Variants in PLA2G4C observed in about 807,000 individuals in gnomAD.
PLA2G4C encodes the protein cytosolic phospholipase A2 gamma.
PLA2G4C carries 64 observed loss-of-function variants against 73.8 expected under a neutral mutation model. The observed-to-expected ratio is 0.87, with a 90% confidence interval of 0.71 to 1.07. The LOEUF (loss-of-function observed/expected upper bound fraction) is 1.07, where lower values mean the gene tolerates loss of function less well. Ranked by LOEUF, PLA2G4C falls within the 50% of genes least tolerant of loss-of-function variation. The pLI is 0.00. For missense variants in PLA2G4C, 622 were observed against 665.4 expected (o/e 0.93, Z 0.72); for synonymous variants, 254 against 252.1 (o/e 1.01, Z -0.07).
At chr19:48,092,499 C>G (rs1012565119) in intron 7 of PLA2G4C, among the ~76,000 whole-genome samples, 1 of 152,202 alleles carries the variant, frequency 6.6e-6, no homozygotes, top group African/African-American at 2.4e-5. Context: ...AAGGTGAAAG[C>G]AATCCATGTG....
At chr19:48,060,030 A>G (rs182737240) in intron 14 of PLA2G4C, among the ~76,000 whole-genome samples, 1 of 151,526 alleles carries the variant, frequency 6.6e-6, no homozygotes, top group East Asian at 2.0e-4. Flanking sequence ...CGGCCTCCCA[A>G]AATGCTGAGA....
rs759084365 is a variant in PLA2G4C at position 48,062,122 on chromosome 19, C to A, written c.1133G>T (p.Arg378Leu). The change falls in exon 14 of 17, where the codon CGG (arginine) becomes CTG (leucine). Residue 378 changes from arginine (R) to leucine (L), a missense_variant. By Grantham distance (102) the Arg-to-Leu change is moderately radical (BLOSUM62 -2). Coordinates refer to ENST00000599921, the MANE Select transcript of PLA2G4C (RefSeq NM_003706.3). Reference sequence around the variant, plus strand: ...AGCATCCACCAGGTGGAGGTGCTTCCGGCTGCTCATTATCTTGTCCCGGAT... The same window carrying A: ...AGCATCCACCAGGTGGAGGTGCTTCAGGCTGCTCATTATCTTGTCCCGGAT... ...GGIRDKIMSS[R>L]KHLHLVDAGL... The A allele has an allele frequency of 6.2e-7, 1 of 1,600,974 alleles. No individual in the cohort carries two copies. Among genetic ancestry groups the A allele is most frequent in the Admixed American group, 1.7e-5 (1 of 58,872 alleles).
At chr19:48,090,538 C>T in intron 7 of PLA2G4C, 121 bp from the exon 8 acceptor site, 1 of 752,660 alleles carries the variant, frequency 1.3e-6, no homozygotes, top group Non-Finnish European at 2.4e-6. Flanking sequence ...GAAGAAAGAT[C>T]TTTCTTCCAT....
intron 13 of PLA2G4C, among the ~76,000 whole-genome samples, chr19:48,064,322 G>A (rs536604388): frequency 3.2e-4 from 49 of 151,842 alleles, no homozygotes; most frequent in African/African-American, 1.1e-3. Context: ...TCAGCTACTC[G>A]GGAGGCTGAG....
At position 48,068,096 on chromosome 19, in the gene PLA2G4C, G is replaced by A. The variant is rs115791262; in HGVS notation, c.1007-210C>T. 1.8e-3 allele frequency among the ~76,000 whole-genome samples: 271 copies of A among 152,298 alleles called. 1 individual carries two copies. Among genetic ancestry groups the A allele is most frequent in the African/African-American group, 6.3e-3 (262 of 41,552 alleles). On this transcript the variant is annotated intron_variant, in intron 12 of 16. Coordinates refer to ENST00000599921, the MANE Select transcript of PLA2G4C (RefSeq NM_003706.3). The stretch of plus-strand genomic sequence containing the variant: ...AGGCAGAAGGATCACCATATCAAGA[G>A]ATCGAGACCATCCTGGCCAACATGG...
At chr19:48,101,421 C>G (rs1176900330) in intron 4 of PLA2G4C, among the ~76,000 whole-genome samples, 1 of 151,972 alleles carries the variant, frequency 6.6e-6, no homozygotes, top group East Asian at 1.9e-4. Flanking sequence ...AGGTGTGAGC[C>G]ACCGTGCCCG....
chr19:48,067,501 C>G (rs1968478474), intron 13 of PLA2G4C, among the ~76,000 whole-genome samples: 1 of 152,170 alleles, frequency 6.6e-6, no homozygotes, highest in South Asian at 2.1e-4. Context: ...GGTCCTAGGA[C>G]TAGCTGACAA....
At chr19:48,053,818 C>T (rs796260389) in intron 15 of PLA2G4C, among the ~76,000 whole-genome samples, 47 of 152,246 alleles carry the variant, frequency 3.1e-4, no homozygotes, top group African/African-American at 1.0e-3. Context: ...GCAGGAGACA[C>T]GATTGACAAG....
rs549713147 is a variant in PLA2G4C at position 48,052,664 on chromosome 19, G to T, written c.1580+333C>A. Among the ~76,000 whole-genome samples the T allele has an allele frequency of 3.7e-4, 56 of 152,264 alleles. 2 individuals carry two copies. The highest frequency in any genetic ancestry group is 3.3e-3 in the Admixed American group (51 of 15,288). The stretch of plus-strand genomic sequence containing the variant: ...AGCGTGGAACAAATTCTCCCTCACA[G>T]ATCCCAGAAGGAACCAGCGCTGCTG... On this transcript the variant is annotated intron_variant, in intron 16 of 16. Transcript: ENST00000599921.
At chr19:48,051,845 C>T (rs1967737610) in intron 16 of PLA2G4C, 1 of 150,232 alleles carries the variant, frequency 6.7e-6, no homozygotes, top group African/African-American at 2.5e-5. Context: ...TCTTGCATGA[C>T]TCAGCTTAAT....
At position 48,098,687 on chromosome 19, in the gene PLA2G4C, C is replaced by T. The variant is rs1340180929; in HGVS notation, c.448-428G>A. Among the ~76,000 whole-genome samples, 74 of 117,308 alleles carry T rather than the reference C, an allele frequency of 6.3e-4. 1 individual carries two copies. The highest frequency in any genetic ancestry group is 6.8e-3 in the Middle Eastern group (1 of 146). The allele number at this position is 117,308 out of a possible 152,430, so 77.0% of individuals were successfully genotyped here. On this transcript the variant is annotated intron_variant, in intron 5 of 16. Coordinates refer to ENST00000599921, the MANE Select transcript of PLA2G4C (RefSeq NM_003706.3). ...TGAGCCCAGGATTTGGAGACCACCC[C>T]GAGCAAAAAAGCGAAACCCTATCTC...
chr19:48,049,999 G>A (rs1967663035), intron 16 of PLA2G4C, among the ~76,000 whole-genome samples: 1 of 152,160 alleles, frequency 6.6e-6, no homozygotes, highest in African/African-American at 2.4e-5. Flanking sequence ...TGGGCTCACT[G>A]CAACCTCCAC....
intron 13 of PLA2G4C, among the ~76,000 whole-genome samples, chr19:48,065,936 A>T (rs1968400187): frequency 6.6e-6 from 1 of 152,112 alleles, no homozygotes; most frequent in Admixed American, 6.6e-5. Flanking sequence ...TCTACTAAAA[A>T]TACAAAATTA....
chr19:48,109,185 G>T (rs2032368865), intron 1 of PLA2G4C, among the ~76,000 whole-genome samples: 1 of 149,262 alleles, frequency 6.7e-6, no homozygotes, highest in Non-Finnish European at 1.5e-5. Flanking sequence ...AAATTAATCA[G>T]CTTCCCCCCA....
At chr19:48,076,092 C>G (rs1012677692) in intron 11 of PLA2G4C, among the ~76,000 whole-genome samples, 2 of 152,222 alleles carry the variant, frequency 1.3e-5, no homozygotes, top group African/African-American at 4.8e-5. Flanking sequence ...TCTGTTGTTG[C>G]TAAGCCAGCC....
At chr19:48,071,194 G>C (rs1377464154) in intron 12 of PLA2G4C, among the ~76,000 whole-genome samples, 2 of 152,162 alleles carry the variant, frequency 1.3e-5, no homozygotes, top group East Asian at 3.8e-4. Context: ...TTCTACAAGA[G>C]TTTAGCAGCA....
intron 8 of PLA2G4C, among the ~76,000 whole-genome samples, chr19:48,089,511 G>A (rs2031175479): frequency 6.6e-6 from 1 of 152,186 alleles, no homozygotes; most frequent in African/African-American, 2.4e-5. Context: ...TGAATGACGA[G>A]TGGTTTAGGG....
chr19:48,082,119 C>T (rs2030613118), intron 10 of PLA2G4C, among the ~76,000 whole-genome samples: 1 of 151,728 alleles, frequency 6.6e-6, no homozygotes, highest in Admixed American at 6.6e-5. Flanking sequence ...ATGCAACATA[C>T]TCTAAAACAT....
chr19:48,105,510 T>G (rs949538145), intron 2 of PLA2G4C, 66 bp from the exon 3 acceptor site: 2 of 1,308,948 alleles, frequency 1.5e-6, no homozygotes, highest in Admixed American at 1.8e-5. Context: ...ACACAGAATT[T>G]GACCTAGAAC....
Sources: gnomAD v4.1 joint callset for allele counts (sites outside exome capture counted in the v4.1 genomes callset) on GRCh38, gnomAD v4.1.1 for gene constraint, MANE v1.5 for transcripts, NCBI Gene and HGNC (gene_info 2026-07-23, HGNC 2026-07-21) for gene names.